PLEKHG1: variants seen among roughly 807,000 people sequenced by gnomAD.
PLEKHG1 encodes pleckstrin homology domain-containing family G member 1.
PLEKHG1 carries 44 observed loss-of-function variants against 100.8 expected under a neutral mutation model. The observed-to-expected ratio is 0.44, with a 90% CI of 0.34 to 0.56. The LOEUF is 0.56. Ranked by LOEUF, PLEKHG1 falls within the 20% of genes least tolerant of loss-of-function variation. PLEKHG1 has a pLI of 0.01. For synonymous variants in PLEKHG1, 640 were observed against 662.5 expected, an observed-to-expected ratio of 0.97 and a Z score of 0.52; for missense variants, 1,545 against 1,720.9, an observed-to-expected ratio of 0.90 and a Z score of 1.81.
chr6:150,717,928 A>G (rs1781504079), upstream of PLEKHG1, among the ~76,000 whole-genome samples: 1 of 152,112 alleles, frequency 6.6e-6, no homozygotes, highest in African/African-American at 2.4e-5. Context: ...ATACAAAAAA[A>G]TTAGCTGGGT....
intron 3 of PLEKHG1, among the ~76,000 whole-genome samples, chr6:150,773,388 G>T (rs1784800580): frequency 6.6e-6 from 1 of 152,136 alleles, no homozygotes; most frequent in African/African-American, 2.4e-5. Context: ...ACAAAAATTA[G>T]CCAGGCGTGG....
intron 3 of PLEKHG1, among the ~76,000 whole-genome samples, chr6:150,658,305 A>G (rs1352494054): frequency 6.6e-6 from 1 of 152,238 alleles, no homozygotes; most frequent in Non-Finnish European, 1.5e-5. Flanking sequence ...ATTGTGTTTT[A>G]AAATAGAAAG....
At chr6:150,685,366 G>A (rs755342380) in intron 3 of PLEKHG1, among the ~76,000 whole-genome samples, 2 of 152,108 alleles carry the variant, frequency 1.3e-5, no homozygotes, top group Admixed American at 6.5e-5. Flanking sequence ...GCAGCAATCC[G>A]CTGAACCCAT....
chr6:150,782,270 T>A (rs556318748), intron 3 of PLEKHG1, among the ~76,000 whole-genome samples: 1 of 152,138 alleles, frequency 6.6e-6, no homozygotes, highest in Admixed American at 6.5e-5. Context: ...ATAGAAAAGT[T>A]AGCTGGGCAT....
chr6:150,804,542 C>T lies in PLEKHG1; in HGVS notation c.781-68C>T, dbSNP rs1786926550. The stretch of plus-strand genomic sequence containing the variant: ...TATAAGGAACTAATCATAGCGGTGC[C>T]ATTTGTTTCACTGTCTATATGAAAA... On this transcript the variant is annotated intron_variant, in intron 6 of 15. Coordinates refer to ENST00000358517, the Ensembl canonical transcript of PLEKHG1. 4 of 1,253,462 alleles carry T rather than the reference C, an allele frequency of 3.2e-6. No homozygotes were observed. The South Asian group carries it at 5.6e-5, about 18-fold the overall frequency. 77.6% of individuals were successfully genotyped at this position (1,253,462 alleles called of 1,614,324 possible).
chr6:150,734,036 C>T lies in PLEKHG1; in HGVS notation c.355C>T (p.Gln119Ter). The change falls in exon 2 of 16, where the codon CAG (glutamine) becomes TAG (stop). Residue 119 changes from glutamine (Q) to a stop codon, truncating the protein, a stop_gained. Transcript: ENST00000358517. LOFTEE classifies it high-confidence loss of function. ...GCTCCTCTATGTGGATAGAGTTGTT[C>T]AGGAAATTCTGGAAACCGAAAGGAC... 6.2e-7 allele frequency: 1 copy of T among 1,614,096 alleles called. No homozygotes were observed.
chr6:150,697,621 T>C (rs1316706119), intron 3 of PLEKHG1, among the ~76,000 whole-genome samples: 1 of 152,180 alleles, frequency 6.6e-6, no homozygotes, highest in Non-Finnish European at 1.5e-5. Flanking sequence ...AGAATTCAGA[T>C]GGTCCCAGCA....
At chr6:150,622,514 C>G (rs1296491815) in intron 1 of PLEKHG1, among the ~76,000 whole-genome samples, 1 of 152,132 alleles carries the variant, frequency 6.6e-6, no homozygotes, top group Non-Finnish European at 1.5e-5. Context: ...CCCACCCTAC[C>G]ACTGTTCTGA....
At chr6:150,721,108 T>C in exon 1 of PLEKHG1, 3 of 978,952 alleles carry the variant, frequency 3.1e-6, no homozygotes, top group Non-Finnish European at 2.4e-6. Context: ...CGGAAGGCGC[T>C]GCACAGACTA....
exon 15 of PLEKHG1, chr6:150,832,120 G>C (rs1276132583): frequency 3.1e-6 from 5 of 1,614,018 alleles, no homozygotes; most frequent in Non-Finnish European, 4.2e-6. Flanking sequence ...AGCTGGAGCA[G>C]CCGCCGGCCA....
chr6:150,752,161 G>A (rs1012559069), intron 2 of PLEKHG1, among the ~76,000 whole-genome samples: 1 of 152,056 alleles, frequency 6.6e-6, no homozygotes, highest in Non-Finnish European at 1.5e-5. Context: ...ACTCTAGCCT[G>A]GGCGACAGAG....
rs1214928577 is a variant in PLEKHG1, at chr6:150,669,593, C to CT, written c.-99+18826dup. On this transcript the variant is annotated intron_variant, in intron 3 of 3. Transcript: ENST00000367326. Reference sequence around the variant, plus strand: ...ATCCTATGCTGTGTAAAGAATTATTCTTTTTTTTTTTTTTTTTTTGAGATG... The same window carrying CT: ...ATCCTATGCTGTGTAAAGAATTATTCTTTTTTTTTTTTTTTTTTTTGAGATG... 9.6e-3 allele frequency among the ~76,000 whole-genome samples: 1,220 copies of CT among 127,588 alleles called. 19 individuals are homozygous for CT. Among genetic ancestry groups the CT allele is most frequent in the African/African-American group, 0.027 (935 of 34,488 alleles). 83.7% of individuals were successfully genotyped at this position (127,588 alleles called of 152,430 possible). A position where few individuals can be genotyped will look rare whatever the true frequency, so the allele number is the denominator to read the frequency against.
At chr6:150,722,083 T>TTA (rs2128609994) in intron 1 of PLEKHG1, among the ~76,000 whole-genome samples, 1 of 152,186 alleles carries the variant, frequency 6.6e-6, no homozygotes, top group Non-Finnish European at 1.5e-5. Flanking sequence ...ATGTTAACAT[T>TTA]TTATTATATA....
At chr6:150,722,558 TA>T (rs1665628643) in intron 1 of PLEKHG1, among the ~76,000 whole-genome samples, 1 of 152,118 alleles carries the variant, frequency 6.6e-6, no homozygotes, top group South Asian at 2.1e-4. Flanking sequence ...TTCACCATGT[TA>T]GCCAGGCTGG....
intron 3 of PLEKHG1, among the ~76,000 whole-genome samples, chr6:150,770,223 C>T (rs770584186): frequency 6.6e-6 from 1 of 152,188 alleles, no homozygotes; most frequent in South Asian, 2.1e-4. Context: ...AAACTCAGTC[C>T]TACCCATCTT....
intron 1 of PLEKHG1, among the ~76,000 whole-genome samples, chr6:150,727,867 G>T (rs2128613706): frequency 6.6e-6 from 1 of 152,298 alleles, no homozygotes; most frequent in South Asian, 2.1e-4. Context: ...CTGTGCTTGG[G>T]ATTTTGGAAT....
At chr6:150,672,328 G>T (rs1779612465) in intron 3 of PLEKHG1, among the ~76,000 whole-genome samples, 1 of 152,160 alleles carries the variant, frequency 6.6e-6, no homozygotes, top group Admixed American at 6.5e-5. Flanking sequence ...TTAATGCTAT[G>T]AGGTGCTTGG....
chr6:150,762,843 AC>A (rs1483168703), intron 2 of PLEKHG1, among the ~76,000 whole-genome samples: 2 of 151,944 alleles, frequency 1.3e-5, no homozygotes, highest in East Asian at 1.9e-4. Flanking sequence ...ATTTTATTAT[AC>A]CCTGTTCAGT....
At position 150,823,750 on chromosome 6, in the gene PLEKHG1, T is replaced by A. The variant is rs1454215245; in HGVS notation, c.1470+74T>A. On this transcript the variant is annotated intron_variant, in intron 14 of 15. Transcript: ENST00000358517. Reference sequence around the variant, plus strand: ...TTCATAGGTGTCCCTTCCCCATCTCTGTCATCTCCAGCCCGTATTCCAAGT... The same window carrying A: ...TTCATAGGTGTCCCTTCCCCATCTCAGTCATCTCCAGCCCGTATTCCAAGT... 6 of 1,006,248 alleles carry A rather than the reference T, an allele frequency of 6.0e-6. No individual in the cohort carries two copies. In the Admixed American group the frequency reaches 1.2e-4, roughly 20 times the overall value. 62.3% of individuals were successfully genotyped at this position (1,006,248 alleles called of 1,614,324 possible). A position where few individuals can be genotyped will look rare whatever the true frequency, so the allele number is the denominator to read the frequency against.
Sources: allele counts gnomAD v4.1 joint callset (sites outside exome capture counted in the v4.1 genomes callset), GRCh38; gene constraint gnomAD v4.1.1; transcripts MANE v1.5; gene names NCBI Gene and HGNC (gene_info 2026-07-23, HGNC 2026-07-21).